PTPRT: variants seen among roughly 807,000 people sequenced by gnomAD.
The protein encoded by PTPRT is receptor-type tyrosine-protein phosphatase T.
A neutral mutation model predicts 176.8 loss-of-function variants in PTPRT; 56 were observed. The ratio of observed to expected loss-of-function variants is 0.32; its 90% CI spans 0.26 to 0.40. The LOEUF (loss-of-function observed/expected upper bound fraction) is 0.40, where lower values mean the gene tolerates loss of function less well. PTPRT is among the 10% of genes least tolerant of loss of function. The probability of loss-of-function intolerance (pLI) is 1.00; values close to 1 mark genes in which losing one functional copy is unlikely to be tolerated. For synonymous variants in PTPRT, 783 were observed against 739.0 expected, an observed-to-expected ratio of 1.06 and a Z score of -0.96; for missense variants, 1,540 against 1,908.2, an observed-to-expected ratio of 0.81 and a Z score of 3.60.
chr20:42,200,700 A>G (rs533545740), intron 15 of PTPRT, among the ~76,000 whole-genome samples: 1 of 152,334 alleles, frequency 6.6e-6, no homozygotes, highest in Admixed American at 6.5e-5. Flanking sequence ...AAAAGCGAAC[A>G]TGGTCCCTCT....
At chr20:42,320,784 GC>G (rs1179689819) in intron 11 of PTPRT, among the ~76,000 whole-genome samples, 2 of 152,136 alleles carry the variant, frequency 1.3e-5, no homozygotes, top group African/African-American at 4.8e-5. Flanking sequence ...CAAACCAAAG[GC>G]TTTTGAACCT....
At chr20:42,105,936 C>T (rs980150820) in intron 24 of PTPRT, among the ~76,000 whole-genome samples, 5 of 152,252 alleles carry the variant, frequency 3.3e-5, no homozygotes, top group South Asian at 2.1e-4. Flanking sequence ...AAGATGGGCT[C>T]GTTACAGGAA....
At chr20:43,151,695 CTACTAAACA>C (rs1193304955) in intron 1 of PTPRT, among the ~76,000 whole-genome samples, 7 of 151,966 alleles carry the variant, frequency 4.6e-5, no homozygotes, top group Non-Finnish European at 1.0e-4. Context: ...AACCCCGTCT[CTACTAAACA>C]TACAAAAAAT....
intron 7 of PTPRT, among the ~76,000 whole-genome samples, chr20:42,522,337 T>A (rs2072190948): frequency 6.6e-6 from 1 of 151,958 alleles, no homozygotes; most frequent in African/African-American, 2.4e-5. Flanking sequence ...AGTTTTCTAA[T>A]TCTGATTTTT....
At chr20:43,180,959 C>T (rs530045254) in intron 1 of PTPRT, among the ~76,000 whole-genome samples, 1 of 152,168 alleles carries the variant, frequency 6.6e-6, no homozygotes, top group East Asian at 1.9e-4. Context: ...ATGTCCCTTC[C>T]CAAATTAGGT....
At chr20:42,826,318 GAAC>G (rs1410036319) in intron 2 of PTPRT, among the ~76,000 whole-genome samples, 1 of 152,116 alleles carries the variant, frequency 6.6e-6, no homozygotes, top group Non-Finnish European at 1.5e-5. Context: ...CCTTAGCCGT[GAAC>G]ATTCCAATGT....
intron 1 of PTPRT, among the ~76,000 whole-genome samples, chr20:42,911,112 G>A (rs557899703): frequency 6.6e-5 from 10 of 152,136 alleles, no homozygotes; most frequent in Middle Eastern, 3.2e-3. Flanking sequence ...GGGATTATAA[G>A]ATGAGATTTG....
At chr20:43,132,803 G>C (rs2013686597) in intron 1 of PTPRT, among the ~76,000 whole-genome samples, 1 of 152,108 alleles carries the variant, frequency 6.6e-6, no homozygotes. Flanking sequence ...GGAATAGAGA[G>C]AATACAATAG....
chr20:42,257,932 CTAAG>C (rs2056676956), intron 13 of PTPRT, among the ~76,000 whole-genome samples: 1 of 151,970 alleles, frequency 6.6e-6, no homozygotes, highest in African/African-American at 2.4e-5. Context: ...CTCTGAGAGA[CTAAG>C]TAATGGTAGC....
At chr20:42,778,730 G>C (rs1188426953) in intron 4 of PTPRT, among the ~76,000 whole-genome samples, 1 of 152,200 alleles carries the variant, frequency 6.6e-6, no homozygotes, top group African/African-American at 2.4e-5. Context: ...CACGAGTCCA[G>C]GGTGGGGAAT....
chr20:42,525,461 G>C (rs938838220), intron 7 of PTPRT, among the ~76,000 whole-genome samples: 2 of 152,152 alleles, frequency 1.3e-5, no homozygotes, highest in African/African-American at 4.8e-5. Context: ...GGCAGGCAGT[G>C]CTGTATATTC....
intron 13 of PTPRT, among the ~76,000 whole-genome samples, chr20:42,277,833 C>T (rs868245859): frequency 2.0e-5 from 3 of 151,254 alleles, no homozygotes; most frequent in Non-Finnish European, 4.4e-5. Flanking sequence ...ATGTAACTTG[C>T]ATTTGAAAAA....
intron 6 of PTPRT, among the ~76,000 whole-genome samples, chr20:42,714,537 T>C (rs1253473287): frequency 6.6e-6 from 1 of 152,220 alleles, no homozygotes; most frequent in Non-Finnish European, 1.5e-5. Context: ...CAGCATCTCA[T>C]GACAAACACG....
At chr20:42,249,492 C>T (rs372853218) in intron 13 of PTPRT, among the ~76,000 whole-genome samples, 4 of 152,218 alleles carry the variant, frequency 2.6e-5, no homozygotes, top group Non-Finnish European at 4.4e-5. Context: ...TGGCCACTTA[C>T]TATACATCCT....
At chr20:42,135,256 T>C (rs1261886878) in intron 18 of PTPRT, among the ~76,000 whole-genome samples, 13 of 152,216 alleles carry the variant, frequency 8.5e-5, no homozygotes, top group Non-Finnish European at 2.9e-5. Flanking sequence ...CCAAATCATA[T>C]ATAGCTGTGC....
intron 6 of PTPRT, among the ~76,000 whole-genome samples, chr20:42,732,474 C>A (rs1407320310): frequency 6.6e-6 from 1 of 152,086 alleles, no homozygotes; most frequent in East Asian, 1.9e-4. Context: ...TTGGCAGAGC[C>A]AAGAAGGAAT....
At chr20:42,883,858 CCATAGACATG>C (rs1427403157) in intron 2 of PTPRT, among the ~76,000 whole-genome samples, 14 of 145,364 alleles carry the variant, frequency 9.6e-5, no homozygotes, top group Admixed American at 2.1e-4. Context: ...ACACACACCC[CCATAGACATG>C]CATACACACA....
At chr20:42,923,368 G>A (rs1293788006) in intron 1 of PTPRT, among the ~76,000 whole-genome samples, 1 of 152,144 alleles carries the variant, frequency 6.6e-6, no homozygotes, top group African/African-American at 2.4e-5. Context: ...CATTGATCTG[G>A]GCTCATGGTC....
chr20:42,543,952 G>A (rs1429833988), intron 7 of PTPRT, among the ~76,000 whole-genome samples: 1 of 152,142 alleles, frequency 6.6e-6, no homozygotes, highest in Non-Finnish European at 1.5e-5. Context: ...AAACCCTGCT[G>A]TAAACAAATG....
Sources: allele counts gnomAD v4.1 joint callset (sites outside exome capture counted in the v4.1 genomes callset), GRCh38; gene constraint gnomAD v4.1.1; transcripts MANE v1.5; gene names NCBI Gene and HGNC (gene_info 2026-07-23, HGNC 2026-07-21).